ATXN2: variants seen among roughly 807,000 people sequenced by gnomAD.
ATXN2 encodes the protein ataxin-2.
A neutral mutation model predicts 138.6 loss-of-function variants in ATXN2; 37 were observed. That is an observed-to-expected ratio of 0.27 (90% CI 0.21 to 0.35). The LOEUF is 0.35. Ranked by LOEUF, ATXN2 falls within the 10% of genes least tolerant of loss-of-function variation. ATXN2 has a pLI of 1.00. For synonymous variants in ATXN2, 549 were observed against 543.7 expected, an observed-to-expected ratio of 1.01 and a Z score of -0.13; for missense variants, 1,216 against 1,480.3, an observed-to-expected ratio of 0.82 and a Z score of 2.93.
At position 111,457,281 on chromosome 12, in the gene ATXN2, G is replaced by A; in HGVS notation, c.2975C>T (p.Ser992Leu). ...TTGCTGCTGTCCAGTGGGGGTAGCT[G>A]AAGGCTGAGGGTGTGGAGTATGTGG... Reference protein sequence around the residue: ...LHPHTPHPQPSATPTGQQQSQ... With the variant: ...LHPHTPHPQPLATPTGQQQSQ... The change falls in exon 22 of 25, where the codon TCA becomes TTA. Residue 992 changes from serine (S) to leucine (L), a missense_variant. Physicochemically the swap from Ser to Leu is moderately radical, Grantham distance 145. Around this residue, in one of 4 missense-constraint regions of ATXN2, gnomAD observed 490 missense variants for 653.5 expected, o/e 0.75. Transcript: ENST00000673436. 1 of 1,614,202 alleles carries A rather than the reference G, an allele frequency of 6.2e-7. No homozygotes were observed. Among genetic ancestry groups the A allele is most frequent in the Non-Finnish European group, 8.5e-7 (1 of 1,180,014 alleles).
chr12:111,525,285 T>G lies in ATXN2; in HGVS notation c.603A>C (p.Lys201Asn). The G allele has an allele frequency of 1.2e-6, 2 of 1,610,242 alleles. No homozygotes were observed. Among genetic ancestry groups the G allele is most frequent in the Non-Finnish European group, 1.7e-6 (2 of 1,179,102 alleles). Reference sequence around the variant, plus strand: ...CCTTCTCTTTGTGTTCGCCATTCACTTTAGCACTGATAGCAGAGTCAGTAA... The same window carrying G: ...CCTTCTCTTTGTGTTCGCCATTCACGTTAGCACTGATAGCAGAGTCAGTAA... The part of the protein sequence containing the change: ...DAFTDSAISA[K>N]VNGEHKEKDL... Residue 201 changes from lysine (K) to asparagine (N), a missense_variant, in exon 6 of 25, where the codon AAA (lysine) becomes AAC (asparagine). Transcript: ENST00000673436.
chr12:111,503,710 C>T (rs538623339), intron 14 of ATXN2, among the ~76,000 whole-genome samples: 1 of 152,034 alleles, frequency 6.6e-6, no homozygotes, highest in African/African-American at 2.4e-5. Flanking sequence ...CTGCCTCAGC[C>T]TCCTGAGTAG....
Position 111,598,972 on chromosome 12 carries a change from C to CTGT in ATXN2, c.62_63insACA (p.Gln28dup), listed in dbSNP as rs769170503. ...GCGGCTGCTGCTGCTGCTGCTGCTG[C>CTGT]TGCTGTTGCTGCTGCTGCTGCTGCT... On this transcript the variant is annotated inframe_insertion, in exon 1 of 25. Coordinates refer to ENST00000673436, the MANE Select transcript of ATXN2 (RefSeq NM_001372574.1). The surrounding 1 kb of genome is among the most constrained non-coding windows in gnomAD (Gnocchi z 4.5). 1,707 of 1,427,242 alleles carry CTGT rather than the reference C, an allele frequency of 1.2e-3. 5 individuals are homozygous for CTGT. Among genetic ancestry groups the CTGT allele is most frequent in the African/African-American group, 5.2e-3 (328 of 63,400 alleles). The allele number at this position is 1,427,242 out of a possible 1,614,324, so 88.4% of individuals were successfully genotyped here.
Position 111,478,914 on chromosome 12 carries a change from C to T in ATXN2, c.2524+6351G>A, listed in dbSNP as rs544042331. Among the ~76,000 whole-genome samples, 422 of 151,954 alleles carry T rather than the reference C, an allele frequency of 2.8e-3. 4 individuals carry two copies. Among genetic ancestry groups the T allele is most frequent in the African/African-American group, 9.6e-3 (397 of 41,440 alleles). On this transcript the variant is annotated intron_variant, in intron 18 of 24. Coordinates refer to ENST00000673436, the MANE Select transcript of ATXN2 (RefSeq NM_001372574.1). ...ATCCCAGCTACTTGGGAGGCTGAGG[C>T]GGGAGAATTGCTTGAACCCGGGACA...
chr12:111,598,428 C>T lies in ATXN2; in HGVS notation c.251+356G>A. On this transcript the variant is annotated intron_variant, in intron 1 of 24. Coordinates refer to ENST00000673436, the MANE Select transcript of ATXN2 (RefSeq NM_001372574.1). This position sits in a 1 kb window ranked among gnomAD's most constrained non-coding sequence, Gnocchi z 4.5. ...AGTGGAGGAGCTGCCCGAGCATCCC[C>T]ACGCTGCGGGCGGAGGATCGTGCGG... 2 of 985,692 alleles carry T rather than the reference C, an allele frequency of 2.0e-6. No individual in the cohort carries two copies. The highest frequency in any genetic ancestry group is 2.4e-6 in the Non-Finnish European group (2 of 830,168). The allele number at this position is 985,692 out of a possible 1,614,324, so 61.1% of individuals were successfully genotyped here.
At chr12:111,555,774 A>G (rs1241223189) in intron 2 of ATXN2, 109 bp downstream of exon 2, 1 of 901,588 alleles carries the variant, frequency 1.1e-6, no homozygotes, top group Non-Finnish European at 1.7e-6. Context: ...CAAGTTATCT[A>G]TGACAAAATT....
At chr12:111,592,991 C>T (rs1023412695) in intron 1 of ATXN2, among the ~76,000 whole-genome samples, 8 of 151,742 alleles carry the variant, frequency 5.3e-5, no homozygotes, top group Non-Finnish European at 1.0e-4. Context: ...CCTTAAAATT[C>T]GTTTCAAAGT....
At chr12:111,478,235 C>T (rs1876964100) in intron 18 of ATXN2, among the ~76,000 whole-genome samples, 1 of 152,006 alleles carries the variant, frequency 6.6e-6, no homozygotes, top group Non-Finnish European at 1.5e-5. Flanking sequence ...GGTGAAACCC[C>T]ACCTACACTA....
At chr12:111,477,907 C>A (rs1300273001) in intron 18 of ATXN2, among the ~76,000 whole-genome samples, 1 of 152,070 alleles carries the variant, frequency 6.6e-6, no homozygotes, top group African/African-American at 2.4e-5. Context: ...CACCTCAGCC[C>A]CCCAAGTAGC....
intron 1 of ATXN2, among the ~76,000 whole-genome samples, chr12:111,559,138 T>G (rs868624602): frequency 6.0e-5 from 9 of 149,532 alleles, no homozygotes; most frequent in South Asian, 4.2e-4. Flanking sequence ...AGTTTTTTGT[T>G]TTTTTTTTTT....
chr12:111,599,462 C>G, upstream of ATXN2: 1 of 1,210,348 alleles, frequency 8.3e-7, no homozygotes, highest in Non-Finnish European at 1.0e-6. Flanking sequence ...GGCGAAGCGG[C>G]GAGACTCGGT....
intron 1 of ATXN2, 86 bp from the exon 2 acceptor site, chr12:111,556,005 C>G (rs1052070342): frequency 1.4e-5 from 16 of 1,112,038 alleles, no homozygotes; most frequent in Non-Finnish European, 1.8e-5. Flanking sequence ...TAATTCCATT[C>G]AAATAAAGGA....
chr12:111,482,190 ATTTTTTT>A (rs1164424839), intron 18 of ATXN2, among the ~76,000 whole-genome samples: 1 of 101,356 alleles, frequency 9.9e-6, no homozygotes, highest in Non-Finnish European at 1.9e-5. Flanking sequence ...TTTCTCTACT[ATTTTTTT>A]TTTTTTTTTT....
chr12:111,525,843 C>G (rs921670575), intron 5 of ATXN2, among the ~76,000 whole-genome samples: 1 of 151,806 alleles, frequency 6.6e-6, no homozygotes, highest in African/African-American at 2.4e-5. Flanking sequence ...TACCACCACG[C>G]CCGGATAATT....
chr12:111,470,881 C>T (rs918752640), intron 18 of ATXN2, 139 bp from the exon 19 acceptor site: 2 of 847,284 alleles, frequency 2.4e-6, no homozygotes, highest in Non-Finnish European at 3.7e-6. Flanking sequence ...CCCACTTCTG[C>T]CACTCTGGGT....
intron 14 of ATXN2, among the ~76,000 whole-genome samples, chr12:111,505,269 C>T (rs988325690): frequency 6.6e-6 from 1 of 151,898 alleles, no homozygotes; most frequent in African/African-American, 2.4e-5. Context: ...TTAAAAAAAC[C>T]CAGAAGAGTA....
intron 14 of ATXN2, 52 bp downstream of exon 14, chr12:111,509,497 T>C: frequency 1.0e-6 from 1 of 997,700 alleles, no homozygotes; most frequent in Non-Finnish European, 1.5e-6. Context: ...GATAAATCTT[T>C]AGTAATGCTT....
Position 111,453,470 on chromosome 12 carries a change from A to G in ATXN2, c.3439+207T>C. The stretch of plus-strand genomic sequence containing the variant: ...CTTCTCATCAAGCCAAATCCTGTAT[A>G]CCATCAGAACACACACAGACTCGGC... On this transcript the variant is annotated intron_variant, in intron 24 of 24. Transcript: ENST00000673436. This position sits in a 1 kb window ranked among gnomAD's most constrained non-coding sequence, Gnocchi z 5.4. The G allele has an allele frequency of 7.7e-7, 1 of 1,304,440 alleles. No homozygotes were observed. The highest frequency in any genetic ancestry group is 9.7e-7 in the Non-Finnish European group (1 of 1,029,110). The allele number at this position is 1,304,440 out of a possible 1,614,324, so 80.8% of individuals were successfully genotyped here.
chr12:111,599,319 G>A (rs1350840606), upstream of ATXN2: 2 of 1,177,120 alleles, frequency 1.7e-6, no homozygotes, highest in East Asian at 7.9e-5. Flanking sequence ...GAGCTCTGCC[G>A]GGAGGGAGGG....
Sources: allele counts gnomAD v4.1 joint callset (sites outside exome capture counted in the v4.1 genomes callset), GRCh38; gene constraint gnomAD v4.1.1; regional missense constraint gnomAD v4.1.1; non-coding constraint Gnocchi (gnomAD v3.1); transcripts MANE v1.5; gene names NCBI Gene and HGNC (gene_info 2026-07-23, HGNC 2026-07-21).